Variants in FBXL7 observed in about 807,000 individuals in gnomAD.
The protein encoded by FBXL7 is F-box/LRR-repeat protein 7.
FBXL7 carries 12 observed loss-of-function variants against 38.3 expected under a neutral mutation model. The observed-to-expected ratio is 0.31, with a 90% CI of 0.20 to 0.51. The LOEUF (loss-of-function observed/expected upper bound fraction) is 0.51. FBXL7 is among the 20% of genes least tolerant of loss of function. FBXL7 has a pLI of 0.98. For synonymous variants in FBXL7, 297 were observed against 300.9 expected (o/e 0.99, Z 0.13); for missense variants, 567 against 676.4 (o/e 0.84, Z 1.79).
chr5:15,710,784 A>G (rs561638762), intron 2 of FBXL7, among the ~76,000 whole-genome samples: 9 of 152,294 alleles, frequency 5.9e-5, no homozygotes, highest in Non-Finnish European at 1.3e-4. Flanking sequence ...TAAAACAAAG[A>G]AATTTATCAG....
At chr5:15,805,634 A>T (rs1273322847) in intron 2 of FBXL7, among the ~76,000 whole-genome samples, 1 of 152,146 alleles carries the variant, frequency 6.6e-6, no homozygotes, top group Non-Finnish European at 1.5e-5. Context: ...CCACACAGGG[A>T]CCCAAAGGCC....
intron 2 of FBXL7, among the ~76,000 whole-genome samples, chr5:15,913,422 A>G (rs1386026127): frequency 6.6e-6 from 1 of 152,200 alleles, no homozygotes; most frequent in Non-Finnish European, 1.5e-5. Context: ...CTATGCTATG[A>G]AAGTGTTCTA....
In FBXL7 at chr5:15,939,365, G is replaced by A. The variant is rs1043277416; in HGVS notation, c.*2179G>A. ...CTAATCCTTGGCCCTGGGGTCTTCC[G>A]AGTGAGCTGGTTTAATACTCTGAGA... On this transcript the variant is annotated 3_prime_UTR_variant, in exon 4 of 4. Coordinates refer to ENST00000504595, the MANE Select transcript of FBXL7 (RefSeq NM_012304.5). 2 of 259,620 alleles carry A rather than the reference G, an allele frequency of 7.7e-6. No individual in the cohort carries two copies. Among genetic ancestry groups the A allele is most frequent in the Non-Finnish European group, 1.4e-5 (2 of 138,108 alleles). The allele number at this position is 259,620 out of a possible 1,614,324, so 16.1% of individuals were successfully genotyped here. A position where few individuals can be genotyped will look rare whatever the true frequency, so the allele number is the denominator to read the frequency against.
chr5:15,580,992 A>C, intron 1 of FBXL7, among the ~76,000 whole-genome samples: 1 of 152,170 alleles, frequency 6.6e-6, no homozygotes. Flanking sequence ...GTCATGGTTG[A>C]TAGGTTCCAG....
chr5:15,755,005 C>T (rs182091520), intron 2 of FBXL7, among the ~76,000 whole-genome samples: 1 of 152,256 alleles, frequency 6.6e-6, no homozygotes, highest in Admixed American at 6.5e-5. Flanking sequence ...CTTGAATGCT[C>T]TCTGATGGGA....
rs1038442517 is a variant in FBXL7 at position 15,726,889 on chromosome 5, C to CT, written c.127+110826dup. 1.8e-3 allele frequency among the ~76,000 whole-genome samples: 273 copies of CT among 150,334 alleles called. 2 individuals carry two copies. Among genetic ancestry groups the CT allele is most frequent in the African/African-American group, 5.5e-3 (224 of 40,990 alleles). ...TATTTGTTTTCTACATGCCATATAG[C>CT]TTTTTTTTTGTACTCCATTTATTGC... is the stretch of plus-strand genomic sequence containing the variant. On this transcript the variant is annotated intron_variant, in intron 2 of 3. Transcript: ENST00000504595.
At chr5:15,848,943 G>T (rs186792710) in intron 2 of FBXL7, among the ~76,000 whole-genome samples, 2 of 152,294 alleles carry the variant, frequency 1.3e-5, no homozygotes, top group Middle Eastern at 3.4e-3. Flanking sequence ...CTATAGTCTG[G>T]ATTATTGTCT....
intron 2 of FBXL7, among the ~76,000 whole-genome samples, chr5:15,743,667 G>C (rs998804287): frequency 1.3e-5 from 2 of 152,236 alleles, no homozygotes; most frequent in African/African-American, 4.8e-5. Context: ...CCATTAAGCA[G>C]TGCCTCAGTG....
chr5:15,838,834 C>A (rs2126781257), intron 2 of FBXL7, among the ~76,000 whole-genome samples: 1 of 152,238 alleles, frequency 6.6e-6, no homozygotes, highest in East Asian at 1.9e-4. Context: ...CTTTCTAGTG[C>A]ACACTGAGAG....
At chr5:15,896,696 T>A (rs1218729524) in intron 2 of FBXL7, among the ~76,000 whole-genome samples, 1 of 151,878 alleles carries the variant, frequency 6.6e-6, no homozygotes, top group Non-Finnish European at 1.5e-5. Flanking sequence ...AAACCAGCAG[T>A]CCTATCCCAG....
At chr5:15,557,093 A>C (rs1414142637) in intron 1 of FBXL7, among the ~76,000 whole-genome samples, 2 of 152,166 alleles carry the variant, frequency 1.3e-5, no homozygotes, top group African/African-American at 4.8e-5. Context: ...GTCCACCACC[A>C]CGCCTGGCTA....
chr5:15,520,391 AT>A (rs1456280999), intron 1 of FBXL7, among the ~76,000 whole-genome samples: 5 of 152,192 alleles, frequency 3.3e-5, no homozygotes, highest in African/African-American at 1.2e-4. Context: ...GAACTTTTTA[AT>A]AGTTCTAAAG....
At chr5:15,571,103 A>G (rs565512156) in intron 1 of FBXL7, among the ~76,000 whole-genome samples, 94 of 151,526 alleles carry the variant, frequency 6.2e-4, no homozygotes, top group Middle Eastern at 3.4e-3. Flanking sequence ...AAAAAAAAAA[A>G]AAAAAAAGAA....
At chr5:15,921,128 T>G (rs1197727913) in intron 2 of FBXL7, among the ~76,000 whole-genome samples, 3 of 152,186 alleles carry the variant, frequency 2.0e-5, no homozygotes, top group Non-Finnish European at 4.4e-5. Flanking sequence ...ACGCCTGTAA[T>G]CTCAGCAATT....
At chr5:15,800,575 A>C (rs933699136) in intron 2 of FBXL7, among the ~76,000 whole-genome samples, 4 of 152,360 alleles carry the variant, frequency 2.6e-5, no homozygotes, top group African/African-American at 9.6e-5. Flanking sequence ...ATTTCATTTA[A>C]TCTTCAGAAC....
chr5:15,737,242 T>C lies in FBXL7; in HGVS notation c.127+121170T>C, dbSNP rs554403197. Among the ~76,000 whole-genome samples, 16 of 152,314 alleles carry C rather than the reference T, an allele frequency of 1.1e-4. No individual in the cohort carries two copies. In the South Asian group the frequency reaches 1.9e-3, roughly 18 times the overall value. On this transcript the variant is annotated intron_variant, in intron 2 of 3. Transcript: ENST00000504595. ...ACTGTTTATGACATACTGTTACAGC[T>C]AATGGTTTCCATGTGTGCCTCCCCT...
intron 2 of FBXL7, among the ~76,000 whole-genome samples, chr5:15,810,935 A>G (rs55998372): frequency 1.3e-5 from 2 of 152,208 alleles, no homozygotes; most frequent in African/African-American, 4.8e-5. Context: ...ACATAGAAAC[A>G]TATCGGCATT....
intron 2 of FBXL7, among the ~76,000 whole-genome samples, chr5:15,691,628 T>A (rs983651608): frequency 3.9e-5 from 6 of 152,198 alleles, no homozygotes; most frequent in African/African-American, 1.4e-4. Flanking sequence ...CCCACTTTTC[T>A]TCTTTTGAGT....
rs257746 is a variant in FBXL7, at chr5:15,817,747, C to T, written c.128-110143C>T. On this transcript the variant is annotated intron_variant, in intron 2 of 3. Coordinates refer to ENST00000504595, the MANE Select transcript of FBXL7 (RefSeq NM_012304.5). The stretch of plus-strand genomic sequence containing the variant: ...ATGCCTTTGCACCTCCTTCACCTTT[C>T]GCCATGATTGTGAGGCCTCCCCAGC... Among the ~76,000 whole-genome samples, 716 of 152,092 alleles carry T rather than the reference C, an allele frequency of 4.7e-3. 3 individuals are homozygous for T. Among genetic ancestry groups the T allele is most frequent in the African/African-American group, 0.016 (650 of 41,476 alleles).
Sources: gnomAD v4.1 joint callset for allele counts (sites outside exome capture counted in the v4.1 genomes callset) on GRCh38, gnomAD v4.1.1 for gene constraint, MANE v1.5 for transcripts, NCBI Gene and HGNC (gene_info 2026-07-23, HGNC 2026-07-21) for gene names.